Variants in MTA3 observed in about 807,000 individuals in gnomAD.
MTA3 encodes metastasis-associated protein MTA3.
In MTA3, 34 loss-of-function variants were observed where a neutral mutation model predicts 83.5. The ratio of observed to expected loss-of-function variants is 0.41; its 90% CI spans 0.31 to 0.54. The LOEUF is 0.54. MTA3 is among the 20% of genes least tolerant of loss of function. MTA3 has a pLI of 0.33. For missense variants in MTA3, 761 were observed against 726.4 expected (o/e 1.05, Z -0.55); for synonymous variants, 303 against 252.7 (o/e 1.20, Z -1.89).
Position 42,625,911 on chromosome 2 carries a change from C to G in MTA3, c.318-14262C>G, listed in dbSNP as rs185254620. On this transcript the variant is annotated intron_variant, in intron 4 of 16. Coordinates refer to ENST00000405094, the MANE Select transcript of MTA3 (RefSeq NM_001330442.2). ...TATCTTTTATGCTGTAGTCTGTTCT[C>G]AAGTATTAGATGATTCAGTTATCCT... is the stretch of plus-strand genomic sequence containing the variant. 7.3e-4 allele frequency among the ~76,000 whole-genome samples: 110 copies of G among 149,834 alleles called. 2 individuals are homozygous for G. Among genetic ancestry groups the G allele is most frequent in the African/African-American group, 2.6e-3 (104 of 40,562 alleles).
chr2:42,722,879 C>G lies in MTA3; in HGVS notation c.1613-10C>G, dbSNP rs1241218510. 1 of 1,548,392 alleles carries G rather than the reference C, an allele frequency of 6.5e-7. No individual in the cohort carries two copies. The highest frequency in any genetic ancestry group is 2.0e-5 in the Admixed American group (1 of 50,248). ...TGTTCTGAATTGAGAAACCTTTTTT[C>G]CCCCATCAGAGATCCATCCTGCAAA... On this transcript the variant is annotated splice_polypyrimidine_tract_variant and intron_variant, in intron 15 of 16. Transcript: ENST00000405094.
chr2:42,745,223 T>G (rs1185700251), intron 16 of MTA3, among the ~76,000 whole-genome samples: 1 of 152,202 alleles, frequency 6.6e-6, no homozygotes, highest in East Asian at 1.9e-4. Context: ...AGGTGCAGAC[T>G]TGAAGTTAAC....
intron 11 of MTA3, among the ~76,000 whole-genome samples, chr2:42,701,119 TAATA>T (rs1693821205): frequency 6.6e-6 from 1 of 151,786 alleles, no homozygotes; most frequent in Admixed American, 6.6e-5. Flanking sequence ...AGTAGATAGA[TAATA>T]AATAATACAT....
In MTA3 at chr2:42,555,856, G is replaced by A. The variant is rs769054711; in HGVS notation, c.-140-14581G>A. Among the ~76,000 whole-genome samples the A allele has an allele frequency of 2.0e-5, 3 of 152,212 alleles. No homozygotes were observed. In the East Asian group the frequency reaches 5.8e-4, roughly 29 times the overall value. On this transcript the variant is annotated intron_variant, in intron 2 of 17. Coordinates refer to the MTA3 transcript ENST00000405592. ...GGAGGCCAAGGAGGGTGGATCACCT[G>A]AGGTCAGGAGTTCGAGATCAGCCTG...
intron 14 of MTA3, among the ~76,000 whole-genome samples, chr2:42,717,916 G>A (rs987573306): frequency 2.0e-5 from 3 of 152,130 alleles, no homozygotes; most frequent in African/African-American, 7.2e-5. Flanking sequence ...CGTTAAGACT[G>A]ATTCCACCTT....
At chr2:42,529,021 C>T (rs1675841770) in intron 2 of MTA3, among the ~76,000 whole-genome samples, 1 of 152,160 alleles carries the variant, frequency 6.6e-6, no homozygotes, top group East Asian at 1.9e-4. Flanking sequence ...TTTACACATC[C>T]CGTTAAGTTA....
rs141974071 is a variant in MTA3 at position 42,623,254 on chromosome 2, A to G, written c.317+13670A>G. Reference sequence around the variant, plus strand: ...CCTGGATCCTGGCGTGTGCCTTGGAATGCAGGTGGTCCAAGGAACTGAGGC... The same window carrying G: ...CCTGGATCCTGGCGTGTGCCTTGGAGTGCAGGTGGTCCAAGGAACTGAGGC... On this transcript the variant is annotated intron_variant, in intron 4 of 16. Transcript: ENST00000405094. Among the ~76,000 whole-genome samples, 249 of 152,328 alleles carry G rather than the reference A, an allele frequency of 1.6e-3. 4 individuals are homozygous for G. The highest frequency in any genetic ancestry group is 5.4e-3 in the African/African-American group (226 of 41,574).
rs1230710526 is a variant in MTA3 at position 42,548,812 on chromosome 2, TATATATATATATATATA to T, written c.-140-21594_-140-21578del. On this transcript the variant is annotated intron_variant, in intron 2 of 17. Transcript: ENST00000405592. ...AGTGAGACCCTGTCTCAAAAAAAAATATATATATATATATATAATATATATATATATATAATATATAT... is the reference window on the plus strand; with the variant it reads ...AGTGAGACCCTGTCTCAAAAAAAAATATATATATATATATATAATATATAT... Among the ~76,000 whole-genome samples, 9 of 37,186 alleles carry T rather than the reference TATATATATATATATATA, an allele frequency of 2.4e-4. 1 individual carries two copies. The highest frequency in any genetic ancestry group is 3.1e-4 in the African/African-American group (2 of 6,490). 24.4% of individuals were successfully genotyped at this position (37,186 alleles called of 152,430 possible). A position where few individuals can be genotyped will look rare whatever the true frequency, so the allele number is the denominator to read the frequency against.
intron 9 of MTA3, among the ~76,000 whole-genome samples, chr2:42,684,605 T>C (rs902907258): frequency 6.6e-6 from 1 of 152,116 alleles, no homozygotes; most frequent in Non-Finnish European, 1.5e-5. Context: ...TACATAGAAA[T>C]TGCAAAGAAT....
chr2:42,619,002 A>G (rs1210384541), intron 4 of MTA3, among the ~76,000 whole-genome samples: 1 of 152,196 alleles, frequency 6.6e-6, no homozygotes, highest in African/African-American at 2.4e-5. Context: ...TTGCATTGGT[A>G]GCTGCCTCTC....
At chr2:42,735,906 A>G (rs1178193906) in intron 16 of MTA3, among the ~76,000 whole-genome samples, 1 of 152,206 alleles carries the variant, frequency 6.6e-6, no homozygotes, top group Non-Finnish European at 1.5e-5. Flanking sequence ...CTGAAAGGAC[A>G]CATATCTCCA....
At chr2:42,521,675 A>C (rs531814996) in intron 2 of MTA3, among the ~76,000 whole-genome samples, 23 of 151,230 alleles carry the variant, frequency 1.5e-4, no homozygotes, top group African/African-American at 5.6e-4. Flanking sequence ...AATTCAAGCC[A>C]GTTTGAGAAG....
intron 1 of MTA3, 55 bp downstream of exon 1, chr2:42,568,828 G>A (rs1678115892): frequency 1.6e-6 from 2 of 1,212,214 alleles, no homozygotes; most frequent in Non-Finnish European, 1.0e-6. Flanking sequence ...GGGAGCGGGG[G>A]GCCGGGGCGA....
chr2:42,647,108 G>C lies in MTA3; in HGVS notation c.499+2864G>C, dbSNP rs1238478526. On this transcript the variant is annotated intron_variant, in intron 6 of 16. Transcript: ENST00000405094. The stretch of plus-strand genomic sequence containing the variant: ...GGAGGCGGAGGTTGCAGTGAGCCGA[G>C]ATCGCGCCACTGCACTCCAGCCTGG... 5.6e-5 allele frequency among the ~76,000 whole-genome samples: 7 copies of C among 126,012 alleles called. No individual in the cohort carries two copies. The South Asian group carries it at 1.1e-3, about 20-fold the overall frequency. 82.7% of individuals were successfully genotyped at this position (126,012 alleles called of 152,430 possible).
At chr2:42,511,531 A>G (rs1674894651) in intron 2 of MTA3, 1 of 152,214 alleles carries the variant, frequency 6.6e-6, no homozygotes, top group Non-Finnish European at 1.5e-5. Context: ...AGCTGGACCA[A>G]CATGGTGACA....
At chr2:42,517,745 G>C (rs1173876184) in intron 2 of MTA3, among the ~76,000 whole-genome samples, 1 of 151,226 alleles carries the variant, frequency 6.6e-6, no homozygotes, top group African/African-American at 2.4e-5. Flanking sequence ...AGGTGTGGTG[G>C]CGGGAGCCTG....
intron 3 of MTA3, among the ~76,000 whole-genome samples, chr2:42,582,350 G>A (rs961454315): frequency 1.3e-5 from 2 of 152,138 alleles, no homozygotes; most frequent in African/African-American, 4.8e-5. Flanking sequence ...GAGCCACTGC[G>A]CCCAGCCCGA....
At chr2:42,631,955 G>T (rs1391165693) in intron 4 of MTA3, among the ~76,000 whole-genome samples, 1 of 152,134 alleles carries the variant, frequency 6.6e-6, no homozygotes, top group Non-Finnish European at 1.5e-5. Flanking sequence ...CTCCCAAAGT[G>T]CTGGGATTAC....
At chr2:42,577,351 A>G (rs1209281723) in intron 2 of MTA3, among the ~76,000 whole-genome samples, 1 of 151,834 alleles carries the variant, frequency 6.6e-6, no homozygotes, top group Non-Finnish European at 1.5e-5. Flanking sequence ...AGAAGAGACT[A>G]TTTATTTTGA....
Sources: allele counts gnomAD v4.1 joint callset (sites outside exome capture counted in the v4.1 genomes callset), GRCh38; gene constraint gnomAD v4.1.1; transcripts MANE v1.5; gene names NCBI Gene and HGNC (gene_info 2026-07-23, HGNC 2026-07-21).